DLGAP2: variants seen among roughly 807,000 people sequenced by gnomAD.
The protein encoded by DLGAP2 is disks large-associated protein 2.
In DLGAP2, 26 loss-of-function variants were observed where a neutral mutation model predicts 100.3. That is an observed-to-expected ratio of 0.26 (90% CI 0.19 to 0.36). The LOEUF (loss-of-function observed/expected upper bound fraction) is 0.36. DLGAP2 is among the 10% of genes least tolerant of loss of function. The pLI, the probability that DLGAP2 is intolerant of heterozygous loss-of-function variation, is 1.00. For missense variants in DLGAP2, 1,858 were observed against 1,453.2 expected, an observed-to-expected ratio of 1.28 and a Z score of -4.53; for synonymous variants, 886 against 630.1, an observed-to-expected ratio of 1.41 and a Z score of -6.08.
intron 4 of DLGAP2, among the ~76,000 whole-genome samples, chr8:1,514,922 A>G (rs962289332): frequency 5.9e-5 from 9 of 152,154 alleles, no homozygotes; most frequent in Non-Finnish European, 1.0e-4. Flanking sequence ...GAGCCCCTAC[A>G]AGAGCACAGC....
chr8:1,252,362 G>GC (rs1799064907), intron 2 of DLGAP2, among the ~76,000 whole-genome samples: 1 of 143,974 alleles, frequency 6.9e-6, no homozygotes, highest in Non-Finnish European at 1.6e-5. Context: ...TGTCACACTT[G>GC]CCACACTGTG....
intron 3 of DLGAP2, among the ~76,000 whole-genome samples, chr8:1,364,128 T>G (rs991283601): frequency 3.9e-5 from 6 of 152,158 alleles, no homozygotes; most frequent in African/African-American, 1.4e-4. Flanking sequence ...CCACCTTCCC[T>G]CCTGAGCCCG....
chr8:1,298,321 G>C (rs1055611015), intron 3 of DLGAP2, among the ~76,000 whole-genome samples: 2 of 152,154 alleles, frequency 1.3e-5, no homozygotes, highest in Non-Finnish European at 1.5e-5. Flanking sequence ...CCGCTTCCTG[G>C]TCTGTCGTCC....
At chr8:1,245,585 T>C (rs4976878) in intron 2 of DLGAP2, among the ~76,000 whole-genome samples, 148,537 of 152,306 alleles carry the variant, frequency 0.98, 72,479 homozygotes, top group Middle Eastern at 1. Flanking sequence ...GCTGGGGGCA[T>C]GGAAATGAGG....
chr8:1,171,867 C>A (rs1241825126), intron 2 of DLGAP2, among the ~76,000 whole-genome samples: 1 of 152,134 alleles, frequency 6.6e-6, no homozygotes, highest in South Asian at 2.1e-4. Flanking sequence ...TTAATTGGAG[C>A]ATTTAGTCCA....
chr8:975,377 A>G (rs759798328), intron 2 of DLGAP2, among the ~76,000 whole-genome samples: 1 of 152,226 alleles, frequency 6.6e-6, no homozygotes, highest in East Asian at 1.9e-4. Context: ...GAGGGAATAA[A>G]TGCTAAATAA....
chr8:1,184,306 C>T (rs1797453095), intron 2 of DLGAP2, among the ~76,000 whole-genome samples: 1 of 152,228 alleles, frequency 6.6e-6, no homozygotes, highest in African/African-American at 2.4e-5. Flanking sequence ...TGAAAGTGTA[C>T]ACAGGTGCTC....
At chr8:743,204 A>C (rs1326245027) in intron 1 of DLGAP2, among the ~76,000 whole-genome samples, 10 of 152,248 alleles carry the variant, frequency 6.6e-5, no homozygotes, top group Non-Finnish European at 8.8e-5. Flanking sequence ...GAAGAAACAC[A>C]TGTGATAACC....
At chr8:1,550,028 C>T (rs548515038) in intron 5 of DLGAP2, among the ~76,000 whole-genome samples, 1 of 152,312 alleles carries the variant, frequency 6.6e-6, no homozygotes, top group East Asian at 1.9e-4. Context: ...CAATTCTTCC[C>T]CATCCCCAGT....
intron 3 of DLGAP2, among the ~76,000 whole-genome samples, chr8:1,266,627 C>T (rs1799456244): frequency 1.3e-5 from 2 of 152,152 alleles, no homozygotes; most frequent in African/African-American, 2.4e-5. Context: ...AAATATGCAC[C>T]CTCTGTTCTC....
At chr8:1,257,842 CT>C (rs1309339154) in intron 2 of DLGAP2, among the ~76,000 whole-genome samples, 7 of 152,246 alleles carry the variant, frequency 4.6e-5, no homozygotes, top group Non-Finnish European at 1.0e-4. Flanking sequence ...CTCTCCCACC[CT>C]TGTGGGCTCA....
In DLGAP2 at chr8:1,695,471, A is replaced by C. The variant is rs35771476; in HGVS notation, c.2797-1676A>C. Among the ~76,000 whole-genome samples the C allele has an allele frequency of 1.2e-3, 125 of 103,118 alleles. 3 individuals carry two copies. Among genetic ancestry groups the C allele is most frequent in the African/African-American group, 5.4e-3 (105 of 19,602 alleles). The allele number at this position is 103,118 out of a possible 152,430, so 67.6% of individuals were successfully genotyped here. On this transcript the variant is annotated intron_variant, in intron 13 of 14. Transcript: ENST00000637795. ...AAGAGGGGGCACAGCCATGCCTGGC[A>C]CTACAGAAAGAGGGGGCACAGCCAT...
In DLGAP2 at chr8:958,593, A is replaced by C. The variant is rs567314229; in HGVS notation, c.73+50627A>C. ...TTAAACTAGACCTCCAAAAAAAAAA[A>C]AAAAAAAAAAACTTTTCCCGGGGAT... On this transcript the variant is annotated intron_variant, in intron 2 of 14. Coordinates refer to ENST00000637795, the MANE Select transcript of DLGAP2 (RefSeq NM_001346810.2). Among the ~76,000 whole-genome samples, 736 of 152,114 alleles carry C rather than the reference A, an allele frequency of 4.8e-3. 2 individuals are homozygous for C. Among genetic ancestry groups the C allele is most frequent in the Non-Finnish European group, 8.0e-3 (546 of 67,976 alleles).
At chr8:1,556,759 T>G (rs948163294) in intron 5 of DLGAP2, among the ~76,000 whole-genome samples, 7 of 152,024 alleles carry the variant, frequency 4.6e-5, no homozygotes, top group Non-Finnish European at 7.3e-5. Flanking sequence ...TCTGACTTGG[T>G]TTCAGTGGCT....
intron 1 of DLGAP2, among the ~76,000 whole-genome samples, chr8:789,732 G>A (rs1332132768): frequency 6.6e-6 from 1 of 152,186 alleles, no homozygotes; most frequent in African/African-American, 2.4e-5. Flanking sequence ...GGCGTCTGCT[G>A]TACCCAAAGT....
Position 1,626,885 on chromosome 8 carries a change from C to T in DLGAP2, c.1588C>T (p.Gln530Ter). The T allele has an allele frequency of 6.3e-7, 1 of 1,597,230 alleles. No individual in the cohort carries two copies. The highest frequency in any genetic ancestry group is 8.5e-7 in the Non-Finnish European group (1 of 1,172,242). Residue 530 changes from glutamine (Q) to a stop codon, truncating the protein, a stop_gained and splice_region_variant, in exon 7 of 15, where the codon CAG (glutamine) becomes TAG (stop). Transcript: ENST00000637795. LOFTEE classifies it high-confidence loss of function. ...CCTGAGCCAGGCCAGCTGCGTGAGC[C>T]AGGTCAGGGTCCCTTCGCCCTTTCT... ...STLSQASCVS[Q>*]VSEAEINGQF... is the part of the protein sequence containing the mutation.
chr8:1,628,526 T>C (rs112346312), intron 7 of DLGAP2, among the ~76,000 whole-genome samples: 40 of 141,376 alleles, frequency 2.8e-4, no homozygotes, highest in South Asian at 1.7e-3. Context: ...GAGCCTGAGC[T>C]GACCTCACAT....
At chr8:1,660,613 C>A (rs1446964609) in intron 8 of DLGAP2, among the ~76,000 whole-genome samples, 1 of 152,162 alleles carries the variant, frequency 6.6e-6, no homozygotes, top group Non-Finnish European at 1.5e-5. Flanking sequence ...GTTTCCAATT[C>A]TTTAAACGCT....
At position 907,968 on chromosome 8, in the gene DLGAP2, T is replaced by TA; in HGVS notation, c.73+5dup. 1 of 399,038 alleles carries TA rather than the reference T, an allele frequency of 2.5e-6. No homozygotes were observed. The highest frequency in any genetic ancestry group is 4.4e-6 in the Non-Finnish European group (1 of 226,052). 24.7% of individuals were successfully genotyped at this position (399,038 alleles called of 1,614,324 possible). A position where few individuals can be genotyped will look rare whatever the true frequency, so the allele number is the denominator to read the frequency against. The stretch of plus-strand genomic sequence containing the variant: ...GTATCTTACCAGACAGGAATACAGG[T>TA]AAATACATTTCATTCTTCTGATTTG... On this transcript the variant is annotated splice_region_variant and intron_variant, in intron 2 of 14. Coordinates refer to ENST00000637795, the MANE Select transcript of DLGAP2 (RefSeq NM_001346810.2).
Sources: gnomAD v4.1 joint callset for allele counts (sites outside exome capture counted in the v4.1 genomes callset) on GRCh38, gnomAD v4.1.1 for gene constraint, MANE v1.5 for transcripts, NCBI Gene and HGNC (gene_info 2026-07-23, HGNC 2026-07-21) for gene names.